OXNAD1: variants seen among roughly 807,000 people sequenced by gnomAD.
OXNAD1 encodes oxidoreductase NAD-binding domain-containing protein 1.
In OXNAD1, 34 loss-of-function variants were observed where a neutral mutation model predicts 32.9. That is an observed-to-expected ratio of 1.03 (90% CI 0.79 to 1.38). The LOEUF is 1.38. Among genes scored for constraint, OXNAD1 ranks in the 40% most tolerant of loss-of-function variants. The pLI is 0.00. For missense variants in OXNAD1, 407 were observed against 379.4 expected, an observed-to-expected ratio of 1.07 and a Z score of -0.60; for synonymous variants, 134 against 135.2, an observed-to-expected ratio of 0.99 and a Z score of 0.06.
intron 9 of OXNAD1, among the ~76,000 whole-genome samples, chr3:16,319,090 G>C (rs1273433351): frequency 6.6e-6 from 1 of 152,206 alleles, no homozygotes; most frequent in Non-Finnish European, 1.5e-5. Context: ...GTGTTAGGCA[G>C]CTGCCGTTGC....
At position 16,317,064 on chromosome 3, in the gene OXNAD1, C is replaced by A. The variant is rs766684268; in HGVS notation, c.*30+13472C>A. ...TTCATCTCCTCGGAGACTCCACCCT[C>A]CTGCTGCTGTCCTGAAACACAGTTT... On this transcript the variant is annotated intron_variant, in intron 9 of 9. Coordinates refer to the OXNAD1 transcript ENST00000435829. This position sits in a 1 kb window ranked among gnomAD's most constrained non-coding sequence, Gnocchi z 4.3. 1.2e-6 allele frequency: 2 copies of A among 1,613,892 alleles called. No individual in the cohort carries two copies. The highest frequency in any genetic ancestry group is 1.7e-6 in the Non-Finnish European group (2 of 1,179,996).
chr3:16,332,097 C>T (rs535163919), intron 9 of OXNAD1, among the ~76,000 whole-genome samples: 1 of 151,616 alleles, frequency 6.6e-6, no homozygotes, highest in Non-Finnish European at 1.5e-5. Flanking sequence ...TGGTGTGGGT[C>T]TTTTTTACTC....
In OXNAD1 at chr3:16,327,377, A is replaced by G. The variant is rs983871680; in HGVS notation, c.*31-9735A>G. Among the ~76,000 whole-genome samples, 17 of 152,168 alleles carry G rather than the reference A, an allele frequency of 1.1e-4. No individual in the cohort carries two copies. Among genetic ancestry groups the G allele is most frequent in the African/African-American group, 3.9e-4 (16 of 41,432 alleles). On this transcript the variant is annotated intron_variant, in intron 9 of 9. Coordinates refer to the OXNAD1 transcript ENST00000435829. This position sits in a 1 kb window ranked among gnomAD's most constrained non-coding sequence, Gnocchi z 4.2. Reference sequence around the variant, plus strand: ...ACGCAGAAGCTGCTTTGCCTGTGTTATGTGCCCTGCCTTGCAGGGATAAAT... The same window carrying G: ...ACGCAGAAGCTGCTTTGCCTGTGTTGTGTGCCCTGCCTTGCAGGGATAAAT...
chr3:16,341,411 C>T (rs1409430949), downstream of OXNAD1, among the ~76,000 whole-genome samples: 1 of 152,184 alleles, frequency 6.6e-6, no homozygotes, highest in Non-Finnish European at 1.5e-5. The surrounding 1 kb of genome is among the most constrained non-coding windows in gnomAD (Gnocchi z 4.7). Flanking sequence ...CCAAGATGCC[C>T]TTCAGTAACT....
chr3:16,330,966 G>A (rs1322323656), intron 9 of OXNAD1, among the ~76,000 whole-genome samples: 1 of 152,194 alleles, frequency 6.6e-6, no homozygotes, highest in East Asian at 1.9e-4. Flanking sequence ...TTCATCCTGT[G>A]GAAGCAATCT....
In OXNAD1 at chr3:16,288,349, G is replaced by A. The variant is rs779540176; in HGVS notation, c.290+1901G>A. ...GCTAGAAATCAAGGAGAGGGTTGCT[G>A]TTGGGCTTATCTTTGGGGTAAGAGA... is the stretch of plus-strand genomic sequence containing the variant. On this transcript the variant is annotated intron_variant, in intron 5 of 8. Coordinates refer to ENST00000285083, the MANE Select transcript of OXNAD1 (RefSeq NM_138381.5). This position sits in a 1 kb window ranked among gnomAD's most constrained non-coding sequence, Gnocchi z 5.1. Among the ~76,000 whole-genome samples, 28 of 152,146 alleles carry A rather than the reference G, an allele frequency of 1.8e-4. No individual in the cohort carries two copies. The highest frequency in any genetic ancestry group is 3.8e-4 in the Non-Finnish European group (26 of 68,024).
In OXNAD1 at chr3:16,280,353, G is replaced by A. The variant is rs904234275; in HGVS notation, c.184-5989G>A. 1.1e-4 allele frequency among the ~76,000 whole-genome samples: 16 copies of A among 152,256 alleles called. No homozygotes were observed. Among genetic ancestry groups the A allele is most frequent in the African/African-American group, 3.6e-4 (15 of 41,540 alleles). ...AAGTGAGTTTACTTGTCATTCTAGG[G>A]CATAGTGTTAACCAGCATAAGCCAT... On this transcript the variant is annotated intron_variant, in intron 4 of 8. Transcript: ENST00000285083. The surrounding 1 kb of genome is among the most constrained non-coding windows in gnomAD (Gnocchi z 4.5).
rs935613138 is a variant in OXNAD1, at chr3:16,298,917, C to T, written c.433-2709C>T. Among the ~76,000 whole-genome samples the T allele has an allele frequency of 2.6e-5, 4 of 152,290 alleles. No homozygotes were observed. The highest frequency in any genetic ancestry group is 9.6e-5 in the African/African-American group (4 of 41,554). Reference sequence around the variant, plus strand: ...TTGAGTCTTGTGTTCGTGTTACCCTCGCAGTTTTTATTGATCAACAAAAAG... The same window carrying T: ...TTGAGTCTTGTGTTCGTGTTACCCTTGCAGTTTTTATTGATCAACAAAAAG... On this transcript the variant is annotated intron_variant, in intron 6 of 8. Coordinates refer to ENST00000285083, the MANE Select transcript of OXNAD1 (RefSeq NM_138381.5). This position sits in a 1 kb window ranked among gnomAD's most constrained non-coding sequence, Gnocchi z 5.1.
At chr3:16,330,744 T>C (rs76802013) in intron 9 of OXNAD1, among the ~76,000 whole-genome samples, 2,216 of 152,324 alleles carry the variant, frequency 0.015, 25 homozygotes, top group Non-Finnish European at 0.022. Flanking sequence ...TCTCCAGTGA[T>C]TGCAAATCAA....
Position 16,317,855 on chromosome 3 carries a change from A to G in OXNAD1, c.*30+14263A>G, listed in dbSNP as rs2068590629. ...CAATGACTGCCCCAGGTGGGATACA[A>G]CAACCCATTTCCTGATCCCAATTTG... is the stretch of plus-strand genomic sequence containing the variant. On this transcript the variant is annotated intron_variant, in intron 9 of 9. Transcript: ENST00000435829. The surrounding 1 kb of genome is among the most constrained non-coding windows in gnomAD (Gnocchi z 4.3). 6.6e-6 allele frequency among the ~76,000 whole-genome samples: 1 copy of G among 152,212 alleles called. No individual in the cohort carries two copies. Among genetic ancestry groups the G allele is most frequent in the African/African-American group, 2.4e-5 (1 of 41,468 alleles).
downstream of OXNAD1, among the ~76,000 whole-genome samples, chr3:16,338,176 G>T (rs116083933): frequency 4.6e-3 from 708 of 152,334 alleles, 2 homozygotes; most frequent in African/African-American, 0.016. This position sits in a 1 kb window ranked among gnomAD's most constrained non-coding sequence, Gnocchi z 5.3. Context: ...AAGGCAGAAA[G>T]AAGAAAGGGG....
At position 16,303,981 on chromosome 3, in the gene OXNAD1, T is replaced by C. The variant is rs1038862418; in HGVS notation, c.*419T>C. ...TATCTTATGTTTAATGAAAGTATAA[T>C]TTAAATACAATCTTAATAATTTTAC... On this transcript the variant is annotated 3_prime_UTR_variant, in exon 9 of 9. Coordinates refer to ENST00000285083, the MANE Select transcript of OXNAD1 (RefSeq NM_138381.5). The surrounding 1 kb of genome is among the most constrained non-coding windows in gnomAD (Gnocchi z 4.8). 2 of 152,780 alleles carry C rather than the reference T, an allele frequency of 1.3e-5. No homozygotes were observed. The highest frequency in any genetic ancestry group is 2.9e-5 in the Non-Finnish European group (2 of 68,476). The allele number at this position is 152,780 out of a possible 1,614,324, so 9.5% of individuals were successfully genotyped here. A position where few individuals can be genotyped will look rare whatever the true frequency, so the allele number is the denominator to read the frequency against.
rs2064918515 is a variant in OXNAD1, at chr3:16,271,274, G to A, written c.119+203G>A. On this transcript the variant is annotated intron_variant, in intron 3 of 8. Transcript: ENST00000285083. The surrounding 1 kb of genome is among the most constrained non-coding windows in gnomAD (Gnocchi z 4.6). Reference sequence around the variant, plus strand: ...GCTGGAGTGCAGTGGCACGATCTTAGCTCACTGCAACCTCCACCTCCTGGA... The same window carrying A: ...GCTGGAGTGCAGTGGCACGATCTTAACTCACTGCAACCTCCACCTCCTGGA... 4.9e-6 allele frequency: 3 copies of A among 611,688 alleles called. No homozygotes were observed. Among genetic ancestry groups the A allele is most frequent in the Non-Finnish European group, 8.4e-6 (3 of 357,534 alleles). The allele number at this position is 611,688 out of a possible 1,614,324, so 37.9% of individuals were successfully genotyped here.
Position 16,287,435 on chromosome 3 carries a change from A to G in OXNAD1, c.290+987A>G, listed in dbSNP as rs1237340296. Among the ~76,000 whole-genome samples the G allele has an allele frequency of 6.6e-6, 1 of 152,248 alleles. No individual in the cohort carries two copies. Among genetic ancestry groups the G allele is most frequent in the Non-Finnish European group, 1.5e-5 (1 of 68,040 alleles). On this transcript the variant is annotated intron_variant, in intron 5 of 8. Transcript: ENST00000285083. This position sits in a 1 kb window ranked among gnomAD's most constrained non-coding sequence, Gnocchi z 4.8. ...TGATTGCAATAATTTGGGTTTGTGA[A>G]GCAATTTACTGCAATCTTTGCACAT...
chr3:16,324,612 G>GGC (rs1270315325), intron 9 of OXNAD1, among the ~76,000 whole-genome samples: 8 of 71,064 alleles, frequency 1.1e-4, no homozygotes, highest in East Asian at 3.7e-4. Flanking sequence ...GAATGTCCCT[G>GGC]ACCCCCCCCC....
downstream of OXNAD1, among the ~76,000 whole-genome samples, chr3:16,341,193 G>A (rs997264308): frequency 3.9e-5 from 6 of 152,160 alleles, no homozygotes; most frequent in Non-Finnish European, 7.3e-5. This position sits in a 1 kb window ranked among gnomAD's most constrained non-coding sequence, Gnocchi z 4.7. Context: ...AGCAACTCTC[G>A]TTCACTGTGG....
rs114705017 is a variant in OXNAD1 at position 16,316,631 on chromosome 3, T to C, written c.*30+13039T>C. ...CTAACACTGGGTCATTAATGACACC[T>C]TTCCAGTGGATGTGCAAAAACCAAC... is the stretch of plus-strand genomic sequence containing the variant. On this transcript the variant is annotated intron_variant, in intron 9 of 9. Transcript: ENST00000435829. This position sits in a 1 kb window ranked among gnomAD's most constrained non-coding sequence, Gnocchi z 4.5. 5.2e-4 allele frequency: 354 copies of C among 675,942 alleles called. No homozygotes were observed. In the African/African-American group the frequency reaches 5.7e-3, roughly 11 times the overall value. 41.9% of individuals were successfully genotyped at this position (675,942 alleles called of 1,614,324 possible).
In OXNAD1 at chr3:16,317,213, C is replaced by T. The variant is rs375237112; in HGVS notation, c.*30+13621C>T. 48 of 1,612,728 alleles carry T rather than the reference C, an allele frequency of 3.0e-5. No homozygotes were observed. The highest frequency in any genetic ancestry group is 4.1e-5 in the Non-Finnish European group (48 of 1,179,982). On this transcript the variant is annotated intron_variant, in intron 9 of 9. Transcript: ENST00000435829. The surrounding 1 kb of genome is among the most constrained non-coding windows in gnomAD (Gnocchi z 4.3). ...CATCTGCCTGTTGTGCATTTCTTCT[C>T]TGGAGAATCGCCACTGAAACTAGAA...
At chr3:16,340,686 T>A (rs534900722), downstream of OXNAD1, among the ~76,000 whole-genome samples, 1 of 152,236 alleles carries the variant, frequency 6.6e-6, no homozygotes, top group Non-Finnish European at 1.5e-5. Context: ...GGAAGGTAAC[T>A]CTGCAGTTAT....
Sources: gnomAD v4.1 joint callset for allele counts (sites outside exome capture counted in the v4.1 genomes callset) on GRCh38, gnomAD v4.1.1 for gene constraint, Gnocchi (gnomAD v3.1) non-coding constraint, MANE v1.5 for transcripts, NCBI Gene and HGNC (gene_info 2026-07-23, HGNC 2026-07-21) for gene names.